The following DSCAM variants were observed in gnomAD, a reference collection of about 807,000 sequenced individuals.
DSCAM encodes the protein DS cell adhesion molecule.
Under a neutral mutation model 217.7 loss-of-function variants are expected in DSCAM, and 47 were observed. The observed-to-expected ratio is 0.22, with a 90% CI of 0.17 to 0.28. DSCAM has a LOEUF of 0.28. Among genes scored for constraint, DSCAM ranks in the 10% least tolerant of loss-of-function variants. The probability of loss-of-function intolerance (pLI) is 1.00; values close to 1 mark genes in which losing one functional copy is unlikely to be tolerated. For synonymous variants in DSCAM, 1,056 were observed against 1,015.3 expected (o/e 1.04, Z -0.76); for missense variants, 2,080 against 2,618.3 (o/e 0.79, Z 4.49).
intron 3 of DSCAM, among the ~76,000 whole-genome samples, chr21:40,646,867 T>C (rs969113990): frequency 2.6e-5 from 4 of 152,222 alleles, no homozygotes; most frequent in Admixed American, 6.5e-5. Context: ...CATGCATGAA[T>C]GCATCCACTT....
chr21:40,401,060 G>C (rs1316481707), intron 3 of DSCAM, among the ~76,000 whole-genome samples: 1 of 152,022 alleles, frequency 6.6e-6, no homozygotes, highest in Middle Eastern at 3.2e-3. Flanking sequence ...AAATACTGTT[G>C]GTTATTTTCC....
intron 3 of DSCAM, among the ~76,000 whole-genome samples, chr21:40,691,953 T>G (rs868283432): frequency 3.3e-5 from 5 of 152,350 alleles, no homozygotes; most frequent in South Asian, 2.1e-4. Flanking sequence ...ATGGATAAAA[T>G]GTTGCTTAGT....
chr21:40,681,044 T>C (rs753529442), intron 3 of DSCAM, among the ~76,000 whole-genome samples: 4 of 152,254 alleles, frequency 2.6e-5, no homozygotes, highest in Non-Finnish European at 5.9e-5. Context: ...TTGTTTGGAA[T>C]TGATTTTGTA....
At chr21:40,041,314 A>T (rs1032572469) in intron 32 of DSCAM, among the ~76,000 whole-genome samples, 77 of 152,310 alleles carry the variant, frequency 5.1e-4, no homozygotes, top group African/African-American at 1.8e-3. Flanking sequence ...GGTGAAAAAG[A>T]AAAAGTGGTT....
intron 8 of DSCAM, among the ~76,000 whole-genome samples, chr21:40,335,957 C>T (rs1315001010): frequency 6.6e-6 from 1 of 152,162 alleles, no homozygotes; most frequent in Non-Finnish European, 1.5e-5. Context: ...GTACTGTTTA[C>T]CGATGCATAC....
chr21:40,032,766 G>A (rs551519191), intron 32 of DSCAM, among the ~76,000 whole-genome samples: 1 of 152,148 alleles, frequency 6.6e-6, no homozygotes, highest in African/African-American at 2.4e-5. Context: ...TGGAACTCAA[G>A]GAAATCATCT....
intron 4 of DSCAM, among the ~76,000 whole-genome samples, chr21:40,354,610 G>A (rs925817380): frequency 1.3e-5 from 2 of 151,980 alleles, no homozygotes; most frequent in Non-Finnish European, 2.9e-5. Flanking sequence ...AGCACTTTGG[G>A]AGGCCAAGGC....
At chr21:40,372,704 TTTG>T (rs2074910868) in intron 3 of DSCAM, among the ~76,000 whole-genome samples, 1 of 152,216 alleles carries the variant, frequency 6.6e-6, no homozygotes, top group African/African-American at 2.4e-5. Context: ...GTTACTTCCC[TTTG>T]TTATCAGTAT....
At chr21:40,039,154 A>ACTT (rs2088692108) in intron 32 of DSCAM, among the ~76,000 whole-genome samples, 1 of 149,954 alleles carries the variant, frequency 6.7e-6, no homozygotes, top group African/African-American at 2.4e-5. Context: ...GTACCCTGAA[A>ACTT]CTTAAAGTAT....
At chr21:40,269,064 G>A (rs1013216169) in intron 11 of DSCAM, among the ~76,000 whole-genome samples, 10 of 152,126 alleles carry the variant, frequency 6.6e-5, no homozygotes, top group Admixed American at 6.5e-4. Context: ...CAGGATTACC[G>A]AGGGGAACAC....
At chr21:40,545,976 C>A (rs148731298) in intron 3 of DSCAM, among the ~76,000 whole-genome samples, 39 of 152,274 alleles carry the variant, frequency 2.6e-4, no homozygotes, top group Non-Finnish European at 4.9e-4. Flanking sequence ...AGCCTTTGTT[C>A]CCTCCTCCAC....
chr21:40,602,802 A>G (rs900024096), intron 3 of DSCAM, among the ~76,000 whole-genome samples: 1 of 151,994 alleles, frequency 6.6e-6, no homozygotes, highest in Non-Finnish European at 1.5e-5. Context: ...GATTTTCTCT[A>G]CTGGTTTCCT....
intron 20 of DSCAM, among the ~76,000 whole-genome samples, chr21:40,102,485 A>T (rs187372524): frequency 1.4e-3 from 213 of 152,204 alleles, no homozygotes; most frequent in Non-Finnish European, 2.4e-3. Flanking sequence ...CAGTCAAAAG[A>T]GTGTAAGGGT....
chr21:40,519,336 A>G (rs1601711060), intron 3 of DSCAM, among the ~76,000 whole-genome samples: 1 of 152,126 alleles, frequency 6.6e-6, no homozygotes. Flanking sequence ...GAACCTTATG[A>G]AAAAAAGTCT....
At chr21:40,738,417 T>G (rs2091086660) in intron 1 of DSCAM, among the ~76,000 whole-genome samples, 1 of 152,176 alleles carries the variant, frequency 6.6e-6, no homozygotes, top group African/African-American at 2.4e-5. Flanking sequence ...CAATCCTAAC[T>G]GTTGTAACAA....
intron 1 of DSCAM, among the ~76,000 whole-genome samples, chr21:40,787,349 T>G (rs1240068659): frequency 6.6e-6 from 1 of 152,222 alleles, no homozygotes; most frequent in Non-Finnish European, 1.5e-5. Flanking sequence ...AAAAATCACA[T>G]GTGGCCTAGT....
chr21:40,427,421 T>C (rs1310567898), intron 3 of DSCAM, among the ~76,000 whole-genome samples: 3 of 152,218 alleles, frequency 2.0e-5, no homozygotes, highest in Non-Finnish European at 4.4e-5. Context: ...GGAGCTTTGT[T>C]ACCATGAACC....
At chr21:40,493,064 A>G (rs1175225736) in intron 3 of DSCAM, among the ~76,000 whole-genome samples, 1 of 152,204 alleles carries the variant, frequency 6.6e-6, no homozygotes, top group Non-Finnish European at 1.5e-5. Flanking sequence ...ACAAACCAGG[A>G]GGAGGTGGGA....
At position 40,202,608 on chromosome 21, in the gene DSCAM, G is replaced by C. The variant is rs372556202; in HGVS notation, c.2357-13370C>G. The stretch of plus-strand genomic sequence containing the variant: ...TTACAAGCTAATAGCTCTTTAGGGT[G>C]TCCCAGGGATCTCCTCTACCTGAAG... On this transcript the variant is annotated intron_variant, in intron 11 of 32. Coordinates refer to ENST00000400454, the MANE Select transcript of DSCAM (RefSeq NM_001389.5). Among the ~76,000 whole-genome samples, 68 of 152,338 alleles carry C rather than the reference G, an allele frequency of 4.5e-4. 1 individual carries two copies. The South Asian group carries it at 0.014, about 31-fold the overall frequency.
Sources: allele counts gnomAD v4.1 joint callset (sites outside exome capture counted in the v4.1 genomes callset), GRCh38; gene constraint gnomAD v4.1.1; transcripts MANE v1.5; gene names NCBI Gene and HGNC (gene_info 2026-07-23, HGNC 2026-07-21).